The following FGF9 variants were observed in gnomAD, a reference collection of about 807,000 sequenced individuals.
FGF9 encodes the protein fibroblast growth factor 9 (glia-activating factor).
FGF9 carries 3 observed loss-of-function variants against 19.9 expected under a neutral mutation model. The observed-to-expected ratio is 0.15, with a 90% CI of 0.07 to 0.39. The LOEUF (loss-of-function observed/expected upper bound fraction) is 0.39. FGF9 is among the 10% of genes least tolerant of loss of function. The pLI is 1.00. For synonymous variants in FGF9, 107 were observed against 106.9 expected, an observed-to-expected ratio of 1.00 and a Z score of -0.01; for missense variants, 175 against 256.8, an observed-to-expected ratio of 0.68 and a Z score of 2.18.
In FGF9 at chr13:21,690,597, G is replaced by T. The variant is rs184071453; in HGVS notation, c.381+9452G>T. ...TGATCCTCATTGTTCACAGATTCTG[G>T]TTTTTGTGAATTCGCCTACTTACTA... On this transcript the variant is annotated intron_variant, in intron 2 of 2. Coordinates refer to ENST00000382353, the MANE Select transcript of FGF9 (RefSeq NM_002010.3). Among the ~76,000 whole-genome samples, 384 of 152,268 alleles carry T rather than the reference G, an allele frequency of 2.5e-3. 3 individuals are homozygous for T. Among genetic ancestry groups the T allele is most frequent in the African/African-American group, 8.7e-3 (363 of 41,544 alleles).
chr13:21,676,310 A>G (rs1593090762), intron 1 of FGF9, among the ~76,000 whole-genome samples: 1 of 152,306 alleles, frequency 6.6e-6, no homozygotes, highest in East Asian at 1.9e-4. Flanking sequence ...AAATTGGGTC[A>G]GGTGAAGGTT....
chr13:21,677,751 C>G (rs1871949431), intron 1 of FGF9, among the ~76,000 whole-genome samples: 1 of 152,162 alleles, frequency 6.6e-6, no homozygotes. Flanking sequence ...ACATAAAAAG[C>G]TGGGCTGTTA....
At chr13:21,685,233 C>T (rs17070299) in intron 2 of FGF9, among the ~76,000 whole-genome samples, 7,105 of 151,904 alleles carry the variant, frequency 0.047, 537 homozygotes, top group African/African-American at 0.16. Context: ...GATCTCATTA[C>T]GAAAGAAGGT....
intron 2 of FGF9, among the ~76,000 whole-genome samples, chr13:21,690,842 A>T (rs1471853905): frequency 6.6e-6 from 1 of 152,218 alleles, no homozygotes; most frequent in Non-Finnish European, 1.5e-5. Context: ...TTGCTGTAGA[A>T]AACATCCTCA....
chr13:21,677,649 A>G (rs910839968), intron 1 of FGF9, among the ~76,000 whole-genome samples: 5 of 152,110 alleles, frequency 3.3e-5, no homozygotes, highest in Non-Finnish European at 7.4e-5. Flanking sequence ...GATCTTCCTG[A>G]CCTTACAACA....
chr13:21,693,526 C>T (rs1417818213), intron 2 of FGF9, among the ~76,000 whole-genome samples: 2 of 152,126 alleles, frequency 1.3e-5, no homozygotes, highest in African/African-American at 4.8e-5. Context: ...TGTCCAGCTG[C>T]TCCCCCAGAT....
intron 2 of FGF9, among the ~76,000 whole-genome samples, chr13:21,700,080 C>T (rs191644004): frequency 3.3e-5 from 5 of 151,692 alleles, no homozygotes; most frequent in African/African-American, 1.2e-4. Context: ...ATGAGTTTTG[C>T]AACCCCAGGA....
chr13:21,700,935 G>C (rs1872524371), intron 2 of FGF9, among the ~76,000 whole-genome samples: 1 of 152,082 alleles, frequency 6.6e-6, no homozygotes, highest in Non-Finnish European at 1.5e-5. Context: ...TTCTCATGGG[G>C]GTTATATTGT....
intron 2 of FGF9, among the ~76,000 whole-genome samples, chr13:21,693,540 A>G (rs767591394): frequency 2.0e-5 from 3 of 151,990 alleles, no homozygotes; most frequent in Non-Finnish European, 2.9e-5. Context: ...CCCAGATTTG[A>G]GTGTGCTATG....
At position 21,701,544 on chromosome 13, in the gene FGF9, A is replaced by G. The variant is rs2138150438; in HGVS notation, c.*109A>G. 1 of 1,484,370 alleles carries G rather than the reference A, an allele frequency of 6.7e-7. No individual in the cohort carries two copies. The highest frequency in any genetic ancestry group is 1.7e-5 in the Admixed American group (1 of 59,362). 91.9% of individuals were successfully genotyped at this position (1,484,370 alleles called of 1,614,324 possible). On this transcript the variant is annotated 3_prime_UTR_variant, in exon 3 of 3. Coordinates refer to ENST00000382353, the MANE Select transcript of FGF9 (RefSeq NM_002010.3). Reference sequence around the variant, plus strand: ...TCATCACATCAGCTCCACTGTTGCCAAACTTTGTCGCATGCATAATGTATG... The same window carrying G: ...TCATCACATCAGCTCCACTGTTGCCGAACTTTGTCGCATGCATAATGTATG...
chr13:21,701,129 T>A, intron 2 of FGF9, 61 bp from the exon 3 acceptor site: 2 of 1,386,438 alleles, frequency 1.4e-6, no homozygotes, highest in Non-Finnish European at 2.0e-6. Flanking sequence ...ATCCCCTAGG[T>A]ATTAAGCCCA....
rs58436546 is a variant in FGF9, at chr13:21,675,924, CTTT to C, written c.277+3748_277+3750del. On this transcript the variant is annotated intron_variant, in intron 1 of 2. Transcript: ENST00000382353. ...AACTTAGGTGGGACCTTGAAGGAGC[CTTT>C]TTTTTTTTTTTTCCCCCTCGGATTG... 2.1e-3 allele frequency among the ~76,000 whole-genome samples: 289 copies of C among 137,576 alleles called. 1 individual carries two copies. The highest frequency in any genetic ancestry group is 7.2e-3 in the African/African-American group (272 of 37,684). The allele number at this position is 137,576 out of a possible 152,430, so 90.3% of individuals were successfully genotyped here. A position where few individuals can be genotyped will look rare whatever the true frequency, so the allele number is the denominator to read the frequency against.
Position 21,703,209 on chromosome 13 carries a change from A to G in FGF9, c.*1774A>G, listed in dbSNP as rs1325284162. 1 of 152,226 alleles carries G rather than the reference A, an allele frequency of 6.6e-6. No homozygotes were observed. The highest frequency in any genetic ancestry group is 1.5e-5 in the Non-Finnish European group (1 of 68,038). 9.4% of individuals were successfully genotyped at this position (152,226 alleles called of 1,614,324 possible). On this transcript the variant is annotated 3_prime_UTR_variant, in exon 3 of 3. Coordinates refer to ENST00000382353, the MANE Select transcript of FGF9 (RefSeq NM_002010.3). ...ACATGTGTTGGGATTTATTGAACTA[A>G]TTTTAAAATTTACTATTCAAACTTT...
chr13:21,692,761 T>C (rs1872321695), intron 2 of FGF9, among the ~76,000 whole-genome samples: 1 of 152,192 alleles, frequency 6.6e-6, no homozygotes, highest in South Asian at 2.1e-4. Context: ...GAGTTTGAAT[T>C]CTGAAATTAA....
Position 21,671,318 on chromosome 13 carries a change from TATC to T in FGF9, c.-592_-590del. On this transcript the variant is annotated 5_prime_UTR_variant, in exon 1 of 3. Coordinates refer to ENST00000382353, the MANE Select transcript of FGF9 (RefSeq NM_002010.3). ...CTTCTTCTTTTTGTTTTATTATTAT[TATC>T]ATTTTTTGGAGGGGGGACCGGGAGG... 5.3e-6 allele frequency: 2 copies of T among 377,068 alleles called. No homozygotes were observed. Among genetic ancestry groups the T allele is most frequent in the East Asian group, 3.8e-5 (1 of 26,322 alleles). 23.4% of individuals were successfully genotyped at this position (377,068 alleles called of 1,614,324 possible).
At chr13:21,676,877 G>T (rs1417890213) in intron 1 of FGF9, among the ~76,000 whole-genome samples, 1 of 152,190 alleles carries the variant, frequency 6.6e-6, no homozygotes, top group East Asian at 1.9e-4. Context: ...GCTCTAGGGG[G>T]CGGTGCCAGC....
In FGF9 at chr13:21,701,691, A is replaced by G; in HGVS notation, c.*256A>G. 1 of 491,832 alleles carries G rather than the reference A, an allele frequency of 2.0e-6. No individual in the cohort carries two copies. The highest frequency in any genetic ancestry group is 2.1e-5 in the African/African-American group (1 of 48,380). The allele number at this position is 491,832 out of a possible 1,614,324, so 30.5% of individuals were successfully genotyped here. ...GAGAAGAGGAGAGAGAGAGAGACTG[A>G]GCGCTAGGAGTGTGTGTATGTGTGT... On this transcript the variant is annotated 3_prime_UTR_variant, in exon 3 of 3. Transcript: ENST00000382353.
chr13:21,678,117 T>C (rs915593793), intron 1 of FGF9, among the ~76,000 whole-genome samples: 2 of 152,234 alleles, frequency 1.3e-5, no homozygotes, highest in African/African-American at 2.4e-5. Context: ...ATAAATGGTA[T>C]GGTGCTTGGC....
In FGF9 at chr13:21,679,781, A is replaced by G. The variant is rs9580188; in HGVS notation, c.278-1261A>G. Among the ~76,000 whole-genome samples, 4 of 140,928 alleles carry G rather than the reference A, an allele frequency of 2.8e-5. No individual in the cohort carries two copies. The South Asian group carries it at 8.9e-4, about 31-fold the overall frequency. The allele number at this position is 140,928 out of a possible 152,430, so 92.5% of individuals were successfully genotyped here. A position where few individuals can be genotyped will look rare whatever the true frequency, so the allele number is the denominator to read the frequency against. On this transcript the variant is annotated intron_variant, in intron 1 of 2. Transcript: ENST00000382353. ...GTGAAACCCCGTCTCTACTAAAAAT[A>G]CAAAAAAAAAAAAAAAAAAAAATTT...
Sources: allele counts gnomAD v4.1 joint callset (sites outside exome capture counted in the v4.1 genomes callset), GRCh38; gene constraint gnomAD v4.1.1; transcripts MANE v1.5; gene names NCBI Gene and HGNC (gene_info 2026-07-23, HGNC 2026-07-21).